Variants in TENM3 observed in about 807,000 individuals in gnomAD.
The protein encoded by TENM3 is teneurin-3.
Under a neutral mutation model 255.1 loss-of-function variants are expected in TENM3, and 63 were observed. That is an observed-to-expected ratio of 0.25 (90% confidence interval 0.20 to 0.30). TENM3 has a LOEUF of 0.30. TENM3 is among the 10% of genes least tolerant of loss of function. TENM3 has a pLI of 1.00. For missense variants in TENM3, 2,929 were observed against 3,461.1 expected (o/e 0.85, Z 3.86); for synonymous variants, 1,306 against 1,322.3 (o/e 0.99, Z 0.27).
the TENM3 span, among the ~76,000 whole-genome samples, chr4:181,857,394 C>G: frequency 6.6e-5 from 10 of 151,766 alleles, no homozygotes; most frequent in South Asian, 2.1e-3. Flanking sequence ...GAGATCTGAG[C>G]AAAGGGCCTT....
the TENM3 span, among the ~76,000 whole-genome samples, chr4:181,753,293 G>T: frequency 7.9e-5 from 12 of 152,112 alleles, no homozygotes; most frequent in African/African-American, 2.7e-4. Context: ...CACTGTCAAA[G>T]CATAAAAGAG....
intron 2 of TENM3, among the ~76,000 whole-genome samples, chr4:182,335,310 A>C (rs1764042931): frequency 1.2e-5 from 1 of 86,552 alleles, no homozygotes; most frequent in African/African-American, 4.3e-5. Flanking sequence ...CATCCTGTGA[A>C]TGGTGAAACC....
chr4:181,576,999 TATAATATATATATA>T, the TENM3 span, among the ~76,000 whole-genome samples: 1 of 130,784 alleles, frequency 7.6e-6, no homozygotes, highest in African/African-American at 2.9e-5. Flanking sequence ...ATATTATATA[TATAATATATATATA>T]ATATATGTAA....
the TENM3 span, among the ~76,000 whole-genome samples, chr4:182,121,067 T>C: frequency 6.6e-6 from 1 of 152,082 alleles, no homozygotes; most frequent in East Asian, 1.9e-4. Flanking sequence ...GGCATGATCT[T>C]GGCTCACTGC....
the TENM3 span, among the ~76,000 whole-genome samples, chr4:182,134,742 A>C: frequency 6.6e-6 from 1 of 152,194 alleles, no homozygotes; most frequent in African/African-American, 2.4e-5. Flanking sequence ...ACAAAGCCAG[A>C]GCTACGTCTT....
chr4:181,816,814 G>A, the TENM3 span, among the ~76,000 whole-genome samples: 1 of 152,184 alleles, frequency 6.6e-6, no homozygotes, highest in African/African-American at 2.4e-5. Context: ...TAATGTCATT[G>A]CTTAAGTTAT....
the TENM3 span, among the ~76,000 whole-genome samples, chr4:181,520,543 AAAAC>A: frequency 6.6e-6 from 1 of 152,118 alleles, no homozygotes; most frequent in African/African-American, 2.4e-5. Flanking sequence ...AAAACAAAAT[AAAAC>A]AAACAAAAAA....
the TENM3 span, among the ~76,000 whole-genome samples, chr4:182,121,241 G>A: frequency 3.9e-4 from 59 of 152,050 alleles, no homozygotes; most frequent in African/African-American, 6.3e-4. Flanking sequence ...CAAGTGATCC[G>A]CCCAACTCGG....
At chr4:182,250,787 A>G (rs1285064338) in intron 1 of TENM3, among the ~76,000 whole-genome samples, 5 of 152,216 alleles carry the variant, frequency 3.3e-5, no homozygotes, top group African/African-American at 2.4e-5. Context: ...TCTGTTGACT[A>G]AAAACATTCA....
the TENM3 span, among the ~76,000 whole-genome samples, chr4:182,027,593 A>G: frequency 6.7e-6 from 1 of 149,816 alleles, no homozygotes; most frequent in Non-Finnish European, 1.5e-5. Flanking sequence ...TATTCAGTAT[A>G]ATACTCGCTG....
chr4:181,511,096 C>T, the TENM3 span, among the ~76,000 whole-genome samples: 3 of 152,030 alleles, frequency 2.0e-5, no homozygotes, highest in Non-Finnish European at 4.4e-5. Context: ...ACCAGGGATG[C>T]CACAGAGATG....
chr4:182,116,104 G>T, the TENM3 span, among the ~76,000 whole-genome samples: 7 of 152,182 alleles, frequency 4.6e-5, no homozygotes, highest in Middle Eastern at 3.4e-3. Flanking sequence ...CATTCTATCA[G>T]TTTGGACAAA....
intron 3 of TENM3, among the ~76,000 whole-genome samples, chr4:182,437,377 C>T (rs1275247615): frequency 1.3e-5 from 2 of 151,908 alleles, no homozygotes; most frequent in African/African-American, 4.8e-5. Flanking sequence ...GGCCAGCCAT[C>T]GTTGCTCACT....
chr4:182,577,684 T>C (rs1482628558), intron 3 of TENM3, among the ~76,000 whole-genome samples: 1 of 152,224 alleles, frequency 6.6e-6, no homozygotes, highest in Non-Finnish European at 1.5e-5. Context: ...CCAGGGAATC[T>C]GGAAGAAAAA....
At chr4:181,842,824 A>G in the TENM3 span, among the ~76,000 whole-genome samples, 6 of 152,244 alleles carry the variant, frequency 3.9e-5, no homozygotes, top group Admixed American at 2.6e-4. Context: ...GGATGGACAT[A>G]GTATACATTT....
the TENM3 span, among the ~76,000 whole-genome samples, chr4:181,795,197 C>T: frequency 1.3e-5 from 2 of 151,996 alleles, no homozygotes; most frequent in African/African-American, 4.8e-5. Flanking sequence ...AAGTTGCCTA[C>T]ACTGAGTGGT....
chr4:181,978,094 A>T, the TENM3 span, among the ~76,000 whole-genome samples: 1 of 152,222 alleles, frequency 6.6e-6, no homozygotes, highest in Non-Finnish European at 1.5e-5. Context: ...CTGGAAGAAT[A>T]ATCATGGAAA....
chr4:182,012,632 A>G, the TENM3 span: 1 of 152,176 alleles, frequency 6.6e-6, no homozygotes, highest in Admixed American at 6.5e-5. Flanking sequence ...TTTTTGGATC[A>G]TTTTAAAGTT....
chr4:182,096,804 T>G, the TENM3 span, among the ~76,000 whole-genome samples: 28 of 152,146 alleles, frequency 1.8e-4, no homozygotes, highest in African/African-American at 6.7e-4. Flanking sequence ...ACCAAGAGTA[T>G]CAATCAGCAA....
Sources: gnomAD v4.1 joint callset for allele counts (sites outside exome capture counted in the v4.1 genomes callset) on GRCh38, gnomAD v4.1.1 for gene constraint, MANE v1.5 for transcripts, NCBI Gene and HGNC (gene_info 2026-07-23, HGNC 2026-07-21) for gene names.